The following STPG2 variants were observed in gnomAD, a reference collection of about 807,000 sequenced individuals.
STPG2 encodes the protein sperm-tail PG-rich repeat-containing protein 2.
Under a neutral mutation model 54.2 loss-of-function variants are expected in STPG2, and 56 were observed. That is an observed-to-expected ratio of 1.03 (90% CI 0.83 to 1.29). The LOEUF is 1.29. Among genes scored for constraint, STPG2 ranks in the 50% most tolerant of loss-of-function variants. The probability of loss-of-function intolerance (pLI) is 0.00; values close to 1 mark genes in which losing one functional copy is unlikely to be tolerated. For missense variants in STPG2, 596 were observed against 544.9 expected (o/e 1.09, Z -0.93); for synonymous variants, 200 against 181.8 (o/e 1.10, Z -0.81).
At position 97,543,373 on chromosome 4, in the gene STPG2, G is replaced by A. The variant is rs112984971; in HGVS notation, c.462+169326C>T. Among the ~76,000 whole-genome samples, 838 of 151,872 alleles carry A rather than the reference G, an allele frequency of 5.5e-3. 7 individuals carry two copies. Among genetic ancestry groups the A allele is most frequent in the Middle Eastern group, 0.02 (6 of 294 alleles). On this transcript the variant is annotated intron_variant, in intron 4 of 4. Coordinates refer to the STPG2 transcript ENST00000522676. Reference sequence around the variant, plus strand: ...AAAGAGAAAGCCACATAAGTCTATGGAGTCAATTTTCCTACCTAAGTAGCT... The same window carrying A: ...AAAGAGAAAGCCACATAAGTCTATGAAGTCAATTTTCCTACCTAAGTAGCT...
chr4:97,674,784 T>A (rs778903414), intron 10 of STPG2, among the ~76,000 whole-genome samples: 1 of 152,192 alleles, frequency 6.6e-6, no homozygotes, highest in Non-Finnish European at 1.5e-5. Context: ...CAAATAACTT[T>A]GATCTAAGTC....
intron 10 of STPG2, among the ~76,000 whole-genome samples, chr4:97,610,896 G>C (rs1311594804): frequency 6.6e-6 from 1 of 152,000 alleles, no homozygotes; most frequent in Non-Finnish European, 1.5e-5. Flanking sequence ...TTCTTATTGA[G>C]TAACTGGAAC....
At chr4:97,472,948 G>C (rs557127985) in intron 4 of STPG2, among the ~76,000 whole-genome samples, 8 of 152,256 alleles carry the variant, frequency 5.3e-5, no homozygotes, top group African/African-American at 1.9e-4. Flanking sequence ...AATTGCTTAT[G>C]CCTGTCTTTA....
At chr4:98,133,604 A>T (rs1188181837) in intron 2 of STPG2, among the ~76,000 whole-genome samples, 1 of 152,100 alleles carries the variant, frequency 6.6e-6, no homozygotes, top group African/African-American at 2.4e-5. Flanking sequence ...TTACAAAAAC[A>T]CTAACAAGTT....
At chr4:97,754,351 G>A (rs1393187202) in intron 9 of STPG2, among the ~76,000 whole-genome samples, 1 of 152,150 alleles carries the variant, frequency 6.6e-6, no homozygotes, top group East Asian at 1.9e-4. Flanking sequence ...ACTCTGTAAT[G>A]CCCAATCCGC....
chr4:97,617,173 T>C (rs1360177348), intron 10 of STPG2, among the ~76,000 whole-genome samples: 6 of 151,876 alleles, frequency 4.0e-5, no homozygotes, highest in Non-Finnish European at 1.5e-5. Context: ...CTGTTGTTCA[T>C]GAAGGCAAGG....
At chr4:98,036,686 G>GA (rs1215010694) in intron 5 of STPG2, among the ~76,000 whole-genome samples, 3 of 151,306 alleles carry the variant, frequency 2.0e-5, no homozygotes, top group African/African-American at 7.3e-5. Flanking sequence ...GAGAGGATGA[G>GA]AAAAAAATAA....
intron 7 of STPG2, among the ~76,000 whole-genome samples, chr4:97,969,893 G>A (rs907594689): frequency 6.6e-6 from 1 of 152,198 alleles, no homozygotes; most frequent in African/African-American, 2.4e-5. Context: ...CAGATGACAT[G>A]CTTGTATATT....
At chr4:98,078,447 A>G (rs1055702003) in intron 5 of STPG2, among the ~76,000 whole-genome samples, 14 of 152,128 alleles carry the variant, frequency 9.2e-5, no homozygotes, top group African/African-American at 3.4e-4. Flanking sequence ...AATATTCTAC[A>G]GTATTATGTA....
At chr4:97,443,610 G>T (rs1729145712) in intron 4 of STPG2, among the ~76,000 whole-genome samples, 1 of 152,130 alleles carries the variant, frequency 6.6e-6, no homozygotes, top group South Asian at 2.1e-4. Context: ...TGGGTAATAA[G>T]AATTACATCA....
intron 8 of STPG2, among the ~76,000 whole-genome samples, chr4:97,859,880 C>A (rs1729461856): frequency 6.6e-6 from 1 of 152,168 alleles, no homozygotes; most frequent in African/African-American, 2.4e-5. Context: ...AGTATTTGAT[C>A]CATCTTGACT....
intron 8 of STPG2, among the ~76,000 whole-genome samples, chr4:97,904,840 T>A (rs1187274104): frequency 1.3e-5 from 2 of 152,126 alleles, no homozygotes; most frequent in African/African-American, 4.8e-5. Context: ...TGCAATCAAC[T>A]GGAAGAAAGG....
chr4:97,916,302 T>C (rs1481990736), intron 8 of STPG2: 1 of 152,570 alleles, frequency 6.6e-6, no homozygotes, highest in African/African-American at 2.4e-5. Flanking sequence ...TGGGGAAATA[T>C]GTTGAGTTTT....
intron 9 of STPG2, among the ~76,000 whole-genome samples, chr4:97,771,412 T>C (rs1020307171): frequency 6.6e-6 from 1 of 152,046 alleles, no homozygotes; most frequent in Admixed American, 6.6e-5. Flanking sequence ...GGTTCAGACC[T>C]TTGTGGAGAA....
chr4:97,908,978 C>T (rs1249144727), intron 8 of STPG2, among the ~76,000 whole-genome samples: 5 of 149,768 alleles, frequency 3.3e-5, no homozygotes, highest in Non-Finnish European at 7.4e-5. Context: ...AACTAACCTG[C>T]ACATTGTGCA....
At chr4:97,905,213 C>T (rs899104845) in intron 8 of STPG2, among the ~76,000 whole-genome samples, 3 of 151,796 alleles carry the variant, frequency 2.0e-5, no homozygotes, top group East Asian at 3.9e-4. Flanking sequence ...AGAGAAAGGT[C>T]GGGTTACCCT....
chr4:97,793,374 C>A (rs2865939), intron 9 of STPG2, among the ~76,000 whole-genome samples: 1 of 94,884 alleles, frequency 1.1e-5, no homozygotes, highest in Admixed American at 9.7e-5. Flanking sequence ...TATATATACA[C>A]ACACACACAC....
chr4:98,023,734 C>T (rs929366587), intron 5 of STPG2, among the ~76,000 whole-genome samples: 10 of 152,218 alleles, frequency 6.6e-5, no homozygotes, highest in East Asian at 1.9e-4. Context: ...TGGGCAATGG[C>T]GGGCACCCCT....
At chr4:97,754,186 T>C (rs1725662649) in intron 9 of STPG2, among the ~76,000 whole-genome samples, 1 of 151,584 alleles carries the variant, frequency 6.6e-6, no homozygotes, top group African/African-American at 2.4e-5. Context: ...CAAAATGGAG[T>C]TTCTCATGCA....
Sources: gnomAD v4.1 joint callset for allele counts (sites outside exome capture counted in the v4.1 genomes callset) on GRCh38, gnomAD v4.1.1 for gene constraint, MANE v1.5 for transcripts, NCBI Gene and HGNC (gene_info 2026-07-23, HGNC 2026-07-21) for gene names.